SMC5: variants seen among roughly 807,000 people sequenced by gnomAD.
SMC5 encodes the protein structural maintenance of chromosomes protein 5.
SMC5 carries 88 observed loss-of-function variants against 148.3 expected under a neutral mutation model. The ratio of observed to expected loss-of-function variants is 0.59; its 90% confidence interval spans 0.50 to 0.71. The LOEUF (loss-of-function observed/expected upper bound fraction) is 0.71. Ranked by LOEUF, SMC5 falls within the 30% of genes least tolerant of loss-of-function variation. The probability of loss-of-function intolerance (pLI) is 0.00; values close to 1 mark genes in which losing one functional copy is unlikely to be tolerated. For missense variants in SMC5, 1,142 were observed against 1,298.9 expected (o/e 0.88, Z 1.86); for synonymous variants, 421 against 432.8 (o/e 0.97, Z 0.34).
intron 10 of SMC5, among the ~76,000 whole-genome samples, chr9:70,302,086 T>G (rs540181227): frequency 6.6e-6 from 1 of 152,298 alleles, no homozygotes; most frequent in Non-Finnish European, 1.5e-5. Flanking sequence ...TAAATCTTCC[T>G]TAAGGGTTGG....
intron 18 of SMC5, 63 bp downstream of exon 18, chr9:70,344,332 CTT>C: frequency 1.6e-6 from 2 of 1,279,354 alleles, no homozygotes; most frequent in Non-Finnish European, 2.0e-6. Flanking sequence ...ATTATGGAAT[CTT>C]AGCCATTGTA....
chr9:70,335,345 G>T (rs185954345), intron 17 of SMC5, among the ~76,000 whole-genome samples: 1 of 152,236 alleles, frequency 6.6e-6, no homozygotes, highest in Admixed American at 6.5e-5. Flanking sequence ...AAATTTGCCA[G>T]GCATGATGGT....
At chr9:70,329,027 G>A (rs755043658) in intron 17 of SMC5, among the ~76,000 whole-genome samples, 1 of 152,228 alleles carries the variant, frequency 6.6e-6, no homozygotes, top group Non-Finnish European at 1.5e-5. Flanking sequence ...TGGCTAGGAT[G>A]TAGGGCACCA....
At chr9:70,295,262 G>A (rs914151857) in intron 8 of SMC5, among the ~76,000 whole-genome samples, 2 of 151,312 alleles carry the variant, frequency 1.3e-5, no homozygotes, top group Non-Finnish European at 2.9e-5. Flanking sequence ...TCAGGAGATC[G>A]AGACCATCCT....
At position 70,290,160 on chromosome 9, in the gene SMC5, T is replaced by C. The variant is rs571305555; in HGVS notation, c.1053+3889T>C. Among the ~76,000 whole-genome samples, 6 of 152,322 alleles carry C rather than the reference T, an allele frequency of 3.9e-5. No individual in the cohort carries two copies. The South Asian group carries it at 1.2e-3, about 32-fold the overall frequency. ...CAGCCTGTGTTTAGATATAATGATA[T>C]GTTTTGTTGGTTTATTTGATCGTGT... On this transcript the variant is annotated intron_variant, in intron 8 of 24. Coordinates refer to ENST00000361138, the MANE Select transcript of SMC5 (RefSeq NM_015110.4).
intron 17 of SMC5, among the ~76,000 whole-genome samples, chr9:70,338,957 T>C (rs993156149): frequency 1.3e-5 from 2 of 152,060 alleles, no homozygotes; most frequent in Non-Finnish European, 2.9e-5. Flanking sequence ...GGAGTTCAAG[T>C]CCATCCTGGG....
Position 70,280,776 on chromosome 9 carries a change from A to C in SMC5, c.696A>C (p.Lys232Asn), listed in dbSNP as rs1357288752. ...TATTGTAGACCTCATGCAAAGAGAAAACTGAGTATCTACAGAAAATGGTTC... is the reference window on the plus strand; with the variant it reads ...TATTGTAGACCTCATGCAAAGAGAACACTGAGTATCTACAGAAAATGGTTC... Reference protein sequence around the residue: ...EKQLETSCKEKTEYLQKMVQR... With the variant: ...EKQLETSCKENTEYLQKMVQR... The change falls in exon 6 of 25, where the codon AAA (lysine) becomes AAC (asparagine). Residue 232 changes from lysine (K) to asparagine (N), a missense_variant. Physicochemically the swap from Lys to Asn is moderately conservative, Grantham distance 94 (BLOSUM62 0). Coordinates refer to ENST00000361138, the MANE Select transcript of SMC5 (RefSeq NM_015110.4). 9 of 1,612,612 alleles carry C rather than the reference A, an allele frequency of 5.6e-6. No homozygotes were observed. Among genetic ancestry groups the C allele is most frequent in the Non-Finnish European group, 6.8e-6 (8 of 1,179,654 alleles).
At position 70,318,978 on chromosome 9, in the gene SMC5, A is replaced by G. The variant is rs1280199846; in HGVS notation, c.2150+15A>G. On this transcript the variant is annotated intron_variant, in intron 15 of 24. Transcript: ENST00000361138. ...AAACTAGGAAGGTATCTTTTAGCCT[A>G]TTCAGGGGGGAGAGCACAAATTACT... is the stretch of plus-strand genomic sequence containing the variant. 5 of 1,591,086 alleles carry G rather than the reference A, an allele frequency of 3.1e-6. No individual in the cohort carries two copies. In the African/African-American group the frequency reaches 5.4e-5, roughly 17 times the overall value.
chr9:70,341,952 C>T (rs7863042), intron 17 of SMC5, among the ~76,000 whole-genome samples: 95,437 of 148,532 alleles, frequency 0.64, 31,360 homozygotes, highest in Non-Finnish European at 0.71. Context: ...ATATTTATTG[C>T]GGCACTATTC....
intron 17 of SMC5, among the ~76,000 whole-genome samples, chr9:70,332,428 G>T (rs927399634): frequency 2.0e-5 from 3 of 151,610 alleles, no homozygotes; most frequent in Admixed American, 2.0e-4. Context: ...GGAGGCTGAG[G>T]TGGAAGGCTC....
intron 8 of SMC5, among the ~76,000 whole-genome samples, chr9:70,286,487 A>G (rs983749214): frequency 3.3e-5 from 5 of 152,122 alleles, no homozygotes; most frequent in Non-Finnish European, 7.4e-5. Flanking sequence ...GTGCCTTATG[A>G]TATTTGTAGC....
chr9:70,345,780 C>T (rs535620260), intron 18 of SMC5, among the ~76,000 whole-genome samples: 2 of 152,004 alleles, frequency 1.3e-5, no homozygotes, highest in Non-Finnish European at 2.9e-5. Context: ...CTTTTATGAA[C>T]GAGCACTCTA....
At chr9:70,307,647 C>T (rs918523277) in intron 11 of SMC5, among the ~76,000 whole-genome samples, 3 of 151,988 alleles carry the variant, frequency 2.0e-5, no homozygotes, top group Non-Finnish European at 4.4e-5. Flanking sequence ...GGATTACAGG[C>T]GTCCACCACC....
In SMC5 at chr9:70,307,657, C is replaced by T. The variant is rs548566829; in HGVS notation, c.1578+2297C>T. ...AGCTGGGATTACAGGCGTCCACCAC[C>T]GTGCCCGGCTAATTTTTTGTATTTT... On this transcript the variant is annotated intron_variant, in intron 11 of 24. Transcript: ENST00000361138. 4.6e-5 allele frequency among the ~76,000 whole-genome samples: 7 copies of T among 152,200 alleles called. No homozygotes were observed. In the South Asian group the frequency reaches 6.2e-4, roughly 14 times the overall value.
intron 5 of SMC5, among the ~76,000 whole-genome samples, chr9:70,280,188 C>T (rs758443320): frequency 6.6e-6 from 1 of 152,182 alleles, no homozygotes; most frequent in African/African-American, 2.4e-5. Context: ...TTGAAACACT[C>T]ACCTACACTC....
Position 70,267,962 on chromosome 9 carries a change from G to T in SMC5, c.367G>T (p.Val123Phe). 2 of 1,612,752 alleles carry T rather than the reference G, an allele frequency of 1.2e-6. No homozygotes were observed. Among genetic ancestry groups the T allele is most frequent in the Non-Finnish European group, 1.7e-6 (2 of 1,179,580 alleles). ...GAAGAGAGGATGTTCTAGAGGCATG[G>T]TTGAAATTGAATTGTAAGTGTTAAA... ...FVKRGCSRGM[V>F]EIELFRASGN... Residue 123 changes from valine (V) to phenylalanine (F), a missense_variant, in exon 3 of 25, where the codon GTT becomes TTT. Physicochemically the swap from Val to Phe is conservative, Grantham distance 50 (BLOSUM62 -1). This residue lies in a region of SMC5 where 297 missense variants were observed against 302.6 expected (regional missense o/e 0.98). Coordinates refer to ENST00000361138, the MANE Select transcript of SMC5 (RefSeq NM_015110.4).
At chr9:70,304,586 C>G (rs892954599) in intron 10 of SMC5, among the ~76,000 whole-genome samples, 2 of 152,130 alleles carry the variant, frequency 1.3e-5, no homozygotes, top group African/African-American at 4.8e-5. Flanking sequence ...ACTCAGGAGG[C>G]TGAGGCGCAG....
At chr9:70,330,904 C>T (rs1306712199) in intron 17 of SMC5, among the ~76,000 whole-genome samples, 1 of 152,100 alleles carries the variant, frequency 6.6e-6, no homozygotes, top group Non-Finnish European at 1.5e-5. Context: ...AAATGAATTA[C>T]AATAATATAT....
At chr9:70,345,011 A>G (rs1808743964) in intron 18 of SMC5, among the ~76,000 whole-genome samples, 2 of 152,186 alleles carry the variant, frequency 1.3e-5, no homozygotes, top group South Asian at 4.1e-4. Flanking sequence ...GATTTATTTT[A>G]TGATATCAGA....
Sources: allele counts gnomAD v4.1 joint callset (sites outside exome capture counted in the v4.1 genomes callset), GRCh38; gene constraint gnomAD v4.1.1; regional missense constraint gnomAD v4.1.1; transcripts MANE v1.5; gene names NCBI Gene and HGNC (gene_info 2026-07-23, HGNC 2026-07-21).